RBMS3: variants seen among roughly 807,000 people sequenced by gnomAD.
The protein encoded by RBMS3 is RNA binding motif single stranded interacting protein 3, also known as RNA-binding motif, single-stranded-interacting protein 3.
Under a neutral mutation model 66.8 loss-of-function variants are expected in RBMS3, and 27 were observed. That is an observed-to-expected ratio of 0.40 (90% CI 0.30 to 0.56). The LOEUF (loss-of-function observed/expected upper bound fraction) is 0.56, where lower values mean the gene tolerates loss of function less well. Among genes scored for constraint, RBMS3 ranks in the 20% least tolerant of loss-of-function variants. The pLI is 0.40. For missense variants in RBMS3, 513 were observed against 549.5 expected, an observed-to-expected ratio of 0.93 and a Z score of 0.66; for synonymous variants, 188 against 183.0, an observed-to-expected ratio of 1.03 and a Z score of -0.22.
intron 6 of RBMS3, among the ~76,000 whole-genome samples, chr3:29,813,870 G>A (rs1417290221): frequency 1.3e-5 from 2 of 152,152 alleles, no homozygotes; most frequent in Non-Finnish European, 2.9e-5. Flanking sequence ...TCCGCTTAAG[G>A]AGATTTTGGG....
At chr3:29,516,195 G>C (rs1216946846) in intron 3 of RBMS3, among the ~76,000 whole-genome samples, 1 of 152,184 alleles carries the variant, frequency 6.6e-6, no homozygotes, top group Non-Finnish European at 1.5e-5. Context: ...CGTTTTAGCC[G>C]AGGTGTGGAG....
chr3:29,983,714 C>A lies in RBMS3; in HGVS notation c.1099-4429C>A, dbSNP rs182906138. On this transcript the variant is annotated intron_variant, in intron 12 of 14. Coordinates refer to ENST00000383767, the MANE Select transcript of RBMS3 (RefSeq NM_001003793.3). ...GATATGAAATTCTGGGTAGAAAATT[C>A]TTTTAAGAACGTTGAATATTTGCCA... 7.9e-5 allele frequency among the ~76,000 whole-genome samples: 12 copies of A among 151,216 alleles called. No individual in the cohort carries two copies. In the East Asian group the frequency reaches 1.8e-3, roughly 22 times the overall value.
chr3:29,825,236 C>A (rs2149480183), intron 6 of RBMS3, among the ~76,000 whole-genome samples: 1 of 152,126 alleles, frequency 6.6e-6, no homozygotes, highest in South Asian at 2.1e-4. Context: ...AGGGTTTCAC[C>A]ATGTTGGCCA....
intron 3 of RBMS3, among the ~76,000 whole-genome samples, chr3:29,581,898 C>T (rs1031450808): frequency 2.6e-5 from 4 of 152,092 alleles, no homozygotes; most frequent in African/African-American, 9.7e-5. Flanking sequence ...AACACACACA[C>T]ATAAAGAACA....
chr3:29,744,828 A>G (rs1364975463), intron 5 of RBMS3, among the ~76,000 whole-genome samples: 1 of 151,834 alleles, frequency 6.6e-6, no homozygotes, highest in African/African-American at 2.4e-5. Flanking sequence ...GAGAATACCT[A>G]GCCAATAATT....
intron 6 of RBMS3, among the ~76,000 whole-genome samples, chr3:29,853,108 T>G (rs183354467): frequency 6.6e-6 from 1 of 152,172 alleles, no homozygotes; most frequent in East Asian, 1.9e-4. Context: ...GGCTAAATGA[T>G]AAGAACACAT....
intron 1 of RBMS3, among the ~76,000 whole-genome samples, chr3:29,433,527 G>A (rs995784432): frequency 6.6e-6 from 1 of 152,054 alleles, no homozygotes; most frequent in Non-Finnish European, 1.5e-5. Context: ...GAACCATTTT[G>A]TTTGCATTAA....
intron 1 of RBMS3, among the ~76,000 whole-genome samples, chr3:29,431,327 T>C (rs1459026192): frequency 4.1e-5 from 6 of 144,626 alleles, no homozygotes; most frequent in African/African-American, 1.6e-4. Flanking sequence ...AGAGTCTCAC[T>C]CTGTCGCCTG....
intron 1 of RBMS3, among the ~76,000 whole-genome samples, chr3:29,354,295 A>G (rs1262430160): frequency 6.6e-6 from 1 of 152,104 alleles, no homozygotes; most frequent in Non-Finnish European, 1.5e-5. Context: ...TGTGTATATT[A>G]ATTTCCACAA....
Position 29,283,970 on chromosome 3 carries a change from G to A in RBMS3, c.75+2214G>A, listed in dbSNP as rs2032042713. ...TGGGTACTGGGGATTTTCTGACAGG[G>A]TTAATACTATACAATGAAGTACCAT... is the stretch of plus-strand genomic sequence containing the variant. On this transcript the variant is annotated intron_variant, in intron 1 of 14. Transcript: ENST00000383767. Among the ~76,000 whole-genome samples, 10 of 152,218 alleles carry A rather than the reference G, an allele frequency of 6.6e-5. No homozygotes were observed. The South Asian group carries it at 2.1e-3, about 32-fold the overall frequency.
intron 14 of RBMS3, among the ~76,000 whole-genome samples, chr3:29,993,254 A>G (rs1244931273): frequency 6.7e-6 from 1 of 149,130 alleles, no homozygotes; most frequent in East Asian, 1.9e-4. Flanking sequence ...TTTTATGTGC[A>G]AAACTAATAC....
chr3:29,836,486 A>T (rs9880085), intron 6 of RBMS3, among the ~76,000 whole-genome samples: 217 of 152,126 alleles, frequency 1.4e-3, no homozygotes, highest in African/African-American at 5.0e-3. Flanking sequence ...CCTCACTTAA[A>T]CATGGAATCT....
intron 5 of RBMS3, among the ~76,000 whole-genome samples, chr3:29,756,865 G>A (rs925262884): frequency 5.9e-5 from 9 of 152,158 alleles, no homozygotes; most frequent in African/African-American, 1.9e-4. Context: ...GAAGGAGTGT[G>A]TAGCTTCTGT....
intron 4 of RBMS3, among the ~76,000 whole-genome samples, chr3:29,635,733 A>G (rs1035537078): frequency 6.6e-6 from 1 of 151,892 alleles, no homozygotes; most frequent in Non-Finnish European, 1.5e-5. Flanking sequence ...ATCAAGATAC[A>G]CGTTTCCTAT....
intron 1 of RBMS3, among the ~76,000 whole-genome samples, chr3:29,288,354 A>G (rs1025237532): frequency 6.6e-6 from 1 of 152,034 alleles, no homozygotes; most frequent in Non-Finnish European, 1.5e-5. Context: ...AACTGTCTTC[A>G]TCCTTTCACA....
chr3:29,490,862 T>C (rs1045981508), intron 3 of RBMS3, among the ~76,000 whole-genome samples: 3 of 152,092 alleles, frequency 2.0e-5, no homozygotes, highest in Admixed American at 6.5e-5. Flanking sequence ...CCAACCCATA[T>C]ACAAAGTCTT....
At chr3:29,515,706 G>A (rs962435769) in intron 3 of RBMS3, among the ~76,000 whole-genome samples, 2 of 152,238 alleles carry the variant, frequency 1.3e-5, no homozygotes, top group Admixed American at 6.5e-5. Flanking sequence ...AGCACTTGGT[G>A]TGTACCTTTC....
At chr3:29,700,508 T>C (rs1346623244) in intron 4 of RBMS3, among the ~76,000 whole-genome samples, 1 of 152,168 alleles carries the variant, frequency 6.6e-6, no homozygotes, top group African/African-American at 2.4e-5. Flanking sequence ...TGGCTGGCTC[T>C]AGGAATCCAA....
intron 4 of RBMS3, among the ~76,000 whole-genome samples, chr3:29,595,631 G>A (rs2047920069): frequency 1.3e-5 from 2 of 152,172 alleles, no homozygotes; most frequent in African/African-American, 4.8e-5. Flanking sequence ...GTTGTCCATG[G>A]GGTGTGCCTA....
Sources: gnomAD v4.1 joint callset for allele counts (sites outside exome capture counted in the v4.1 genomes callset) on GRCh38, gnomAD v4.1.1 for gene constraint, MANE v1.5 for transcripts, NCBI Gene and HGNC (gene_info 2026-07-23, HGNC 2026-07-21) for gene names.